The following SHCBP1L variants were observed in gnomAD, a reference collection of about 807,000 sequenced individuals.
SHCBP1L encodes the protein SHC binding and spindle associated 1 like.
In SHCBP1L, 67 loss-of-function variants were observed where a neutral mutation model predicts 62.5. That is an observed-to-expected ratio of 1.07 (90% CI 0.88 to 1.31). The LOEUF (loss-of-function observed/expected upper bound fraction) is 1.31, where lower values mean the gene tolerates loss of function less well. Among genes scored for constraint, SHCBP1L ranks in the 40% most tolerant of loss-of-function variants. The pLI, the probability that SHCBP1L is intolerant of heterozygous loss-of-function variation, is 0.00. For missense variants in SHCBP1L, 823 were observed against 809.8 expected, an observed-to-expected ratio of 1.02 and a Z score of -0.20; for synonymous variants, 284 against 289.4, an observed-to-expected ratio of 0.98 and a Z score of 0.19.
chr1:182,920,463 A>G lies in SHCBP1L; in HGVS notation c.1182+9184T>C, dbSNP rs115214162. On this transcript the variant is annotated intron_variant, in intron 6 of 9. Coordinates refer to ENST00000367547, the MANE Select transcript of SHCBP1L (RefSeq NM_030933.4). ...TCAACTTCAAAGGAACATCGGCCCAAGCAGATGCGAAAAAAGCAGTGCAAG... is the reference window on the plus strand; with the variant it reads ...TCAACTTCAAAGGAACATCGGCCCAGGCAGATGCGAAAAAAGCAGTGCAAG... Among the ~76,000 whole-genome samples, 523 of 152,342 alleles carry G rather than the reference A, an allele frequency of 3.4e-3. 4 individuals carry two copies. Among genetic ancestry groups the G allele is most frequent in the African/African-American group, 0.012 (499 of 41,584 alleles).
At chr1:182,918,141 T>C (rs1225969452) in intron 6 of SHCBP1L, among the ~76,000 whole-genome samples, 4 of 147,602 alleles carry the variant, frequency 2.7e-5, no homozygotes, top group African/African-American at 7.4e-5. Context: ...TGTATATATA[T>C]ACACATATAT....
At chr1:182,926,840 G>C in intron 6 of SHCBP1L, among the ~76,000 whole-genome samples, 1 of 151,530 alleles carries the variant, frequency 6.6e-6, no homozygotes, top group African/African-American at 2.4e-5. Context: ...CTATGTGCTG[G>C]GCATTATTCT....
chr1:182,932,260 A>T (rs775976161), intron 5 of SHCBP1L, among the ~76,000 whole-genome samples: 7 of 152,032 alleles, frequency 4.6e-5, no homozygotes, highest in Non-Finnish European at 8.8e-5. Context: ...ATAAACAACC[A>T]TGTGCAGGTT....
At chr1:182,936,485 C>T (rs916469039) in intron 5 of SHCBP1L, among the ~76,000 whole-genome samples, 11 of 152,106 alleles carry the variant, frequency 7.2e-5, no homozygotes, top group African/African-American at 2.7e-4. Context: ...ATTGTATCTA[C>T]TCTCTTAAAT....
rs143615282 is a variant in SHCBP1L at position 182,905,628 on chromosome 1, T to A, written c.1204A>T (p.Thr402Ser). 2.5e-6 allele frequency: 4 copies of A among 1,613,114 alleles called. No homozygotes were observed. Among genetic ancestry groups the A allele is most frequent in the Non-Finnish European group, 3.4e-6 (4 of 1,179,720 alleles). ...TEMIKDLSSD[T>S]LLQQHGDLDL... ...AAATCACCATGCTGTTGGAGAAGTG[T>A]GTCTGAAGATAAATCCTTTATCTAA... The change falls in exon 7 of 10, where the codon ACA (threonine) becomes TCA (serine). Residue 402 changes from threonine (T) to serine (S), a missense_variant. Coordinates refer to ENST00000367547, the MANE Select transcript of SHCBP1L (RefSeq NM_030933.4).
chr1:182,951,957 C>A (rs1651757303), intron 1 of SHCBP1L: 1 of 344,356 alleles, frequency 2.9e-6, no homozygotes, highest in Non-Finnish European at 5.9e-6. Flanking sequence ...GAGTTCGAGT[C>A]CAGCCTGACC....
chr1:182,948,717 C>A (rs149098376), intron 2 of SHCBP1L, among the ~76,000 whole-genome samples: 60 of 152,250 alleles, frequency 3.9e-4, no homozygotes, highest in African/African-American at 1.3e-3. Context: ...AAAACTAATA[C>A]AGCATCTAAA....
chr1:182,930,683 G>A (rs1474980188), intron 5 of SHCBP1L, among the ~76,000 whole-genome samples: 14 of 81,652 alleles, frequency 1.7e-4, no homozygotes, highest in African/African-American at 8.1e-4. Flanking sequence ...GTGTGTGTGT[G>A]TGTGTGTGTG....
At chr1:182,944,929 A>G (rs1022877035) in intron 2 of SHCBP1L, among the ~76,000 whole-genome samples, 4 of 125,112 alleles carry the variant, frequency 3.2e-5, no homozygotes, top group Non-Finnish European at 7.2e-5. Context: ...ATTGCTTTTC[A>G]TTTGCTCATT....
chr1:182,925,571 G>T (rs115243174), intron 6 of SHCBP1L, among the ~76,000 whole-genome samples: 1 of 152,116 alleles, frequency 6.6e-6, no homozygotes, highest in African/African-American at 2.4e-5. Flanking sequence ...AAAGATAAAA[G>T]TTTTGGTGAG....
intron 5 of SHCBP1L, among the ~76,000 whole-genome samples, chr1:182,930,551 GTATATATA>G (rs10536791): frequency 0.093 from 4,595 of 49,320 alleles, 307 homozygotes; most frequent in East Asian, 0.34. Context: ...TAGTGTGTGT[GTATATATA>G]TATATATATA....
At chr1:182,908,879 T>G (rs1370741905) in intron 6 of SHCBP1L, among the ~76,000 whole-genome samples, 1 of 152,216 alleles carries the variant, frequency 6.6e-6, no homozygotes. Context: ...CAACATGGGA[T>G]TTTTAAAAAA....
intron 9 of SHCBP1L, among the ~76,000 whole-genome samples, chr1:182,902,506 T>C (rs544399694): frequency 2.9e-4 from 44 of 152,294 alleles, no homozygotes; most frequent in Admixed American, 4.6e-4. Flanking sequence ...AGAGTTAGAA[T>C]GTTCTAGAAA....
chr1:182,952,845 G>T lies in SHCBP1L; in HGVS notation c.289C>A (p.Pro97Thr). Residue 97 changes from proline (P) to threonine (T), a missense_variant, in exon 1 of 10, where the codon CCT (proline) becomes ACT (threonine). Coordinates refer to ENST00000367547, the MANE Select transcript of SHCBP1L (RefSeq NM_030933.4). ...GGCTGCGCCTCCTCTTCATCCTCAG[G>T]CACTGGCAGCAGGGGCTCCTCCGCC... The part of the protein sequence containing the change: ...AAAEEPLLPV[P>T]EDEEEAQPLP... 1 of 1,610,804 alleles carries T rather than the reference G, an allele frequency of 6.2e-7. No homozygotes were observed. Among genetic ancestry groups the T allele is most frequent in the South Asian group, 1.1e-5 (1 of 90,738 alleles).
intron 2 of SHCBP1L, among the ~76,000 whole-genome samples, chr1:182,947,256 A>AG (rs1420164418): frequency 6.6e-6 from 1 of 151,848 alleles, no homozygotes; most frequent in Non-Finnish European, 1.5e-5. Flanking sequence ...AAAAAAAAAA[A>AG]AATCACAATG....
intron 5 of SHCBP1L, among the ~76,000 whole-genome samples, chr1:182,934,218 G>A (rs552739827): frequency 6.6e-6 from 1 of 152,234 alleles, no homozygotes; most frequent in East Asian, 1.9e-4. Context: ...GATTGCAACT[G>A]CTGAGTCCTA....
intron 7 of SHCBP1L, among the ~76,000 whole-genome samples, 156 bp downstream of exon 7, chr1:182,905,340 T>A (rs1466235634): frequency 6.6e-6 from 1 of 152,210 alleles, no homozygotes; most frequent in Non-Finnish European, 1.5e-5. Context: ...ATAGAAAATA[T>A]GACGAACATG....
At chr1:182,912,216 A>G (rs981861847) in intron 6 of SHCBP1L, among the ~76,000 whole-genome samples, 9 of 152,166 alleles carry the variant, frequency 5.9e-5, no homozygotes, top group African/African-American at 2.2e-4. Flanking sequence ...CAGAGGTGGG[A>G]GCATAGCTTG....
chr1:182,903,301 CTGT>C, intron 8 of SHCBP1L, 140 bp from the exon 9 acceptor site: 1 of 572,050 alleles, frequency 1.7e-6, no homozygotes, highest in Non-Finnish European at 2.8e-6. Flanking sequence ...ATGCATGCAA[CTGT>C]TAATTGTAAA....
Sources: allele counts gnomAD v4.1 joint callset (sites outside exome capture counted in the v4.1 genomes callset), GRCh38; gene constraint gnomAD v4.1.1; transcripts MANE v1.5; gene names NCBI Gene and HGNC (gene_info 2026-07-23, HGNC 2026-07-21).